SAV1: variants seen among roughly 807,000 people sequenced by gnomAD.
SAV1 encodes protein salvador homolog 1.
SAV1 carries 23 observed loss-of-function variants against 47.3 expected under a neutral mutation model. The ratio of observed to expected loss-of-function variants is 0.49; its 90% confidence interval spans 0.35 to 0.69. The LOEUF is 0.69. Among genes scored for constraint, SAV1 ranks in the 30% least tolerant of loss-of-function variants. The pLI, the probability that SAV1 is intolerant of heterozygous loss-of-function variation, is 0.01. For missense variants in SAV1, 448 were observed against 457.4 expected (o/e 0.98, Z 0.19); for synonymous variants, 155 against 159.2 (o/e 0.97, Z 0.20).
intron 2 of SAV1, among the ~76,000 whole-genome samples, chr14:50,649,944 C>T (rs2039753682): frequency 6.6e-6 from 1 of 152,170 alleles, no homozygotes; most frequent in East Asian, 1.9e-4. Flanking sequence ...CAAAAGTTCC[C>T]AGCTGACTTT....
intron 2 of SAV1, chr14:50,663,287 C>T (rs1405724109): frequency 1.3e-5 from 2 of 152,310 alleles, no homozygotes; most frequent in African/African-American, 4.8e-5. Context: ...TTTGCCTTTA[C>T]GTTTCTGCAT....
In SAV1 at chr14:50,635,182, C is replaced by T. The variant is rs773405477; in HGVS notation, c.*1G>A. 1 of 1,609,876 alleles carries T rather than the reference C, an allele frequency of 6.2e-7. No homozygotes were observed. Among genetic ancestry groups the T allele is most frequent in the East Asian group, 2.2e-5 (1 of 44,850 alleles). On this transcript the variant is annotated 3_prime_UTR_variant, in exon 5 of 5. Transcript: ENST00000324679. The stretch of plus-strand genomic sequence containing the variant: ...AAAACTTAAATTTTTAAAAAATCAG[C>T]TCAAAAATTTTTTCCATGTTGTTGG...
intron 2 of SAV1, among the ~76,000 whole-genome samples, chr14:50,657,024 C>CTTTTTTT (rs3080610): frequency 8.2e-6 from 1 of 122,252 alleles, no homozygotes; most frequent in Admixed American, 8.5e-5. Context: ...AAAACACTCA[C>CTTTTTTT]TTTTTTTTTT....
At chr14:50,655,981 G>A (rs539316137) in intron 2 of SAV1, among the ~76,000 whole-genome samples, 20 of 152,310 alleles carry the variant, frequency 1.3e-4, no homozygotes, top group African/African-American at 4.6e-4. Context: ...GGAGGCAGAG[G>A]TTGTGGTGAG....
chr14:50,662,933 A>C (rs992370741), intron 2 of SAV1: 2 of 152,234 alleles, frequency 1.3e-5, no homozygotes, highest in African/African-American at 4.8e-5. Flanking sequence ...TCTCTTAGGC[A>C]GTCATGTGCT....
intron 3 of SAV1, among the ~76,000 whole-genome samples, chr14:50,642,694 G>C (rs1049699134): frequency 1.3e-5 from 2 of 152,108 alleles, no homozygotes; most frequent in Non-Finnish European, 2.9e-5. Context: ...AAATGCATGT[G>C]TATATTAGAA....
rs2039625419 is a variant in SAV1, at chr14:50,635,347, C to A, written c.988G>T (p.Ala330Ser). The change falls in exon 5 of 5, where the codon GCT becomes TCT. Residue 330 changes from alanine (A) to serine (S), a missense_variant. Physicochemically the swap from Ala to Ser is moderately conservative, Grantham distance 99. Transcript: ENST00000324679. ...ATTCCCTGGTATGTATCCAGGTCAG[C>A]CAGCTGGAAGAGTTCCCACTTCAGA... ...HILKWELFQL[A>S]DLDTYQGMLK... 6.2e-7 allele frequency: 1 copy of A among 1,613,962 alleles called. No homozygotes were observed. The highest frequency in any genetic ancestry group is 8.5e-7 in the Non-Finnish European group (1 of 1,180,010).
In SAV1 at chr14:50,634,975, AGT is replaced by A; in HGVS notation, c.*206_*207del. On this transcript the variant is annotated 3_prime_UTR_variant, in exon 5 of 5. Coordinates refer to ENST00000324679, the MANE Select transcript of SAV1 (RefSeq NM_021818.4). ...AGTTTCCTAATATACAGTATTTGAA[AGT>A]GTTTGCCATATTGGCTCTTAAAATG... 1 of 549,680 alleles carries A rather than the reference AGT, an allele frequency of 1.8e-6. No homozygotes were observed. The highest frequency in any genetic ancestry group is 3.2e-6 in the Non-Finnish European group (1 of 311,280). 34.1% of individuals were successfully genotyped at this position (549,680 alleles called of 1,614,324 possible). A position where few individuals can be genotyped will look rare whatever the true frequency, so the allele number is the denominator to read the frequency against.
chr14:50,667,819 C>G (rs1399646719), intron 1 of SAV1, 55 bp downstream of exon 1: 2 of 1,485,226 alleles, frequency 1.3e-6, no homozygotes, highest in Non-Finnish European at 1.9e-6. Context: ...CGCCAGGGTC[C>G]CCGGAGCACC....
intron 2 of SAV1, chr14:50,662,837 C>G (rs2039871417): frequency 1.3e-5 from 2 of 152,210 alleles, no homozygotes; most frequent in Non-Finnish European, 2.9e-5. Context: ...TTTCTGTTCT[C>G]CCTCAGCTAC....
At position 50,634,917 on chromosome 14, in the gene SAV1, C is replaced by T. The variant is rs190776815; in HGVS notation, c.*266G>A. 1.8e-4 allele frequency: 63 copies of T among 348,708 alleles called. No individual in the cohort carries two copies. Among genetic ancestry groups the T allele is most frequent in the African/African-American group, 1.1e-3 (49 of 46,660 alleles). 21.6% of individuals were successfully genotyped at this position (348,708 alleles called of 1,614,324 possible). A position where few individuals can be genotyped will look rare whatever the true frequency, so the allele number is the denominator to read the frequency against. ...TAACATCTGTTCATAATGACATTTC[C>T]GCTGCGTTTTTTTCCATCAAGAATA... On this transcript the variant is annotated 3_prime_UTR_variant, in exon 5 of 5. Transcript: ENST00000324679.
At chr14:50,663,451 G>A (rs1595653588) in intron 2 of SAV1, among the ~76,000 whole-genome samples, 2 of 152,266 alleles carry the variant, frequency 1.3e-5, no homozygotes, top group Non-Finnish European at 2.9e-5. Context: ...CAAGCATGCA[G>A]CTAATTCTTT....
At chr14:50,665,816 T>TGGGAA (rs1458986516) in intron 1 of SAV1, among the ~76,000 whole-genome samples, 197 bp from the exon 2 acceptor site, 1 of 152,236 alleles carries the variant, frequency 6.6e-6, no homozygotes, top group Non-Finnish European at 1.5e-5. Flanking sequence ...CAAATGAATT[T>TGGGAA]ATATAACTTG....
At position 50,644,784 on chromosome 14, in the gene SAV1, T is replaced by C; in HGVS notation, c.766A>G (p.Thr256Ala). Reference protein sequence around the residue: ...SEFGTYYVDHTNKKAQYRHPC... With the variant: ...SEFGTYYVDHANKKAQYRHPC... Reference sequence around the variant, plus strand: ...TGCCTGTATTGGGCCTTCTTATTTGTGTGATCTACATAATAGGTTCCAAAT... The same window carrying C: ...TGCCTGTATTGGGCCTTCTTATTTGCGTGATCTACATAATAGGTTCCAAAT... The change falls in exon 3 of 5, where the codon ACA becomes GCA. Residue 256 changes from threonine (T) to alanine (A), a missense_variant. Coordinates refer to ENST00000324679, the MANE Select transcript of SAV1 (RefSeq NM_021818.4). The C allele has an allele frequency of 2.5e-6, 4 of 1,614,184 alleles. No homozygotes were observed. The highest frequency in any genetic ancestry group is 3.4e-6 in the Non-Finnish European group (4 of 1,180,004).
chr14:50,637,205 A>G lies in SAV1; in HGVS notation c.951-1821T>C, dbSNP rs559213305. ...TTACTTGAGAGCTGCAAATTTATTAATAGATTTAGATTTCTTTGGTAGGAA... is the reference window on the plus strand; with the variant it reads ...TTACTTGAGAGCTGCAAATTTATTAGTAGATTTAGATTTCTTTGGTAGGAA... On this transcript the variant is annotated intron_variant, in intron 4 of 4. Transcript: ENST00000324679. Among the ~76,000 whole-genome samples, 37 of 152,332 alleles carry G rather than the reference A, an allele frequency of 2.4e-4. No homozygotes were observed. The South Asian group carries it at 6.6e-3, about 27-fold the overall frequency.
Position 50,667,534 on chromosome 14 carries a change from T to A in SAV1, c.94+340A>T, listed in dbSNP as rs1305009756. On this transcript the variant is annotated intron_variant, in intron 1 of 4. Coordinates refer to ENST00000324679, the MANE Select transcript of SAV1 (RefSeq NM_021818.4). ...GTAAAAAGTGTCCCTGTCTAATTAC[T>A]TTTACTCCTATAGCATTAGGTGATA... 13 of 486,684 alleles carry A rather than the reference T, an allele frequency of 2.7e-5. No individual in the cohort carries two copies. In the East Asian group the frequency reaches 7.6e-4, roughly 29 times the overall value. 30.1% of individuals were successfully genotyped at this position (486,684 alleles called of 1,614,324 possible).
intron 2 of SAV1, among the ~76,000 whole-genome samples, chr14:50,652,564 G>A (rs891968708): frequency 1.4e-4 from 22 of 152,102 alleles, no homozygotes; most frequent in African/African-American, 5.3e-4. Flanking sequence ...ACATTGAAAG[G>A]GCTCCTGCCA....
chr14:50,657,516 C>G (rs1176678412), intron 2 of SAV1, among the ~76,000 whole-genome samples: 1 of 152,122 alleles, frequency 6.6e-6, no homozygotes, highest in Non-Finnish European at 1.5e-5. Flanking sequence ...CTGTTACTAA[C>G]CATGTAATCT....
chr14:50,641,971 A>G (rs771658483), intron 3 of SAV1, among the ~76,000 whole-genome samples: 30 of 152,214 alleles, frequency 2.0e-4, no homozygotes, highest in Admixed American at 5.2e-4. Context: ...ATGCCCATCA[A>G]TGGTGGGCTG....
Sources: gnomAD v4.1 joint callset for allele counts (sites outside exome capture counted in the v4.1 genomes callset) on GRCh38, gnomAD v4.1.1 for gene constraint, MANE v1.5 for transcripts, NCBI Gene and HGNC (gene_info 2026-07-23, HGNC 2026-07-21) for gene names.